Variants in TRPM3 observed in about 807,000 individuals in gnomAD.
TRPM3 encodes long transient receptor potential channel 3.
TRPM3 carries 77 observed loss-of-function variants against 181.2 expected under a neutral mutation model. The observed-to-expected ratio is 0.42, with a 90% confidence interval of 0.35 to 0.51. The LOEUF is 0.51. Ranked by LOEUF, TRPM3 falls within the 20% of genes least tolerant of loss-of-function variation. The pLI is 0.01. For missense variants in TRPM3, 1,759 were observed against 2,196.7 expected, an observed-to-expected ratio of 0.80 and a Z score of 3.98; for synonymous variants, 745 against 796.4, an observed-to-expected ratio of 0.94 and a Z score of 1.09.
chr9:71,279,034 T>TC, intron 1 of TRPM3, among the ~76,000 whole-genome samples: 1 of 47,490 alleles, frequency 2.1e-5, no homozygotes, highest in Non-Finnish European at 4.4e-5. Context: ...CCTGCTTAGG[T>TC]TAAAAAAAAT....
chr9:71,304,369 G>A (rs76835630), intron 1 of TRPM3, among the ~76,000 whole-genome samples: 2,193 of 152,212 alleles, frequency 0.014, 59 homozygotes, highest in African/African-American at 0.049. Flanking sequence ...CTCATCCGAC[G>A]GAAGGCAGTG....
At chr9:71,420,999 A>AAGAGAGAGAAAAAG (rs749574468) in intron 1 of TRPM3, among the ~76,000 whole-genome samples, 27 of 111,118 alleles carry the variant, frequency 2.4e-4, no homozygotes, top group East Asian at 7.6e-4. Context: ...GAGAGAGAAA[A>AAGAGAGAGAAAAAG]AGAGAGAAAA....
intron 1 of TRPM3, among the ~76,000 whole-genome samples, chr9:71,092,453 C>T (rs1283700794): frequency 6.6e-6 from 1 of 152,150 alleles, no homozygotes; most frequent in Middle Eastern, 3.2e-3. Flanking sequence ...ACACTAACTT[C>T]TTCAATTTAC....
At chr9:70,700,167 G>C (rs1408120764) in intron 8 of TRPM3, among the ~76,000 whole-genome samples, 2 of 152,124 alleles carry the variant, frequency 1.3e-5, no homozygotes, top group African/African-American at 4.8e-5. Context: ...ATTTTTAGTA[G>C]AGAAGGGCTT....
chr9:70,693,486 C>A (rs532878077), intron 8 of TRPM3, among the ~76,000 whole-genome samples: 1 of 151,860 alleles, frequency 6.6e-6, no homozygotes, highest in East Asian at 1.9e-4. Flanking sequence ...TTTTTTTTGA[C>A]ATTTTGTCAT....
chr9:71,217,703 C>CAG (rs372110311), intron 1 of TRPM3, among the ~76,000 whole-genome samples: 12 of 152,300 alleles, frequency 7.9e-5, no homozygotes, highest in Non-Finnish European at 8.8e-5. Flanking sequence ...TGCTCTGAGA[C>CAG]AGACCATTCT....
intron 1 of TRPM3, among the ~76,000 whole-genome samples, chr9:71,071,012 G>T (rs1272937929): frequency 6.6e-6 from 1 of 152,156 alleles, no homozygotes; most frequent in East Asian, 1.9e-4. Flanking sequence ...CATCATAGAG[G>T]GCATGGGAGC....
At chr9:70,951,160 T>C (rs2096993928) in intron 1 of TRPM3, among the ~76,000 whole-genome samples, 1 of 152,166 alleles carries the variant, frequency 6.6e-6, no homozygotes. Context: ...ACTTAAAATA[T>C]GAATTCATAT....
At chr9:70,976,738 C>A (rs2097306683) in intron 1 of TRPM3, among the ~76,000 whole-genome samples, 1 of 152,164 alleles carries the variant, frequency 6.6e-6, no homozygotes, top group Non-Finnish European at 1.5e-5. Context: ...ATCCCCTCAT[C>A]TGTTAAAATG....
chr9:71,112,529 AATACCAT>A (rs2071350226), intron 1 of TRPM3, among the ~76,000 whole-genome samples: 1 of 152,176 alleles, frequency 6.6e-6, no homozygotes, highest in East Asian at 1.9e-4. Flanking sequence ...AAGACCCTAT[AATACCAT>A]TTGGTTCCTC....
At chr9:71,181,595 C>T (rs7044340) in intron 1 of TRPM3, among the ~76,000 whole-genome samples, 40,106 of 151,930 alleles carry the variant, frequency 0.26, 5,927 homozygotes, top group Middle Eastern at 0.46. Flanking sequence ...ACAATCACTA[C>T]CTTATTTAAT....
rs1288178183 is a variant in TRPM3, at chr9:70,549,563, C to T, written c.3686G>A (p.Arg1229Lys). Residue 1229 changes from arginine to lysine, a missense_variant, in exon 25 of 26, where the codon AGG becomes AAG. Transcript: ENST00000677713. ...DDRFNSSNDE[R>K]IRVTSERVEN... ...ACACCTTTCTGAAGTCACCCGTATC[C>T]TCTCATCATTAGATGAGTTGAACCG... is the stretch of plus-strand genomic sequence containing the variant. The T allele has an allele frequency of 1.2e-6, 2 of 1,613,600 alleles. No individual in the cohort carries two copies. The highest frequency in any genetic ancestry group is 1.3e-5 in the African/African-American group (1 of 74,976).
chr9:70,578,585 G>A (rs1489593079), intron 22 of TRPM3, among the ~76,000 whole-genome samples: 7 of 152,204 alleles, frequency 4.6e-5, no homozygotes, highest in Non-Finnish European at 8.8e-5. Flanking sequence ...TTGGTCTTTG[G>A]TCTGAAGACA....
intron 1 of TRPM3, among the ~76,000 whole-genome samples, chr9:71,439,225 T>C (rs994405178): frequency 7.2e-5 from 11 of 152,192 alleles, no homozygotes; most frequent in Non-Finnish European, 4.4e-5. Context: ...CATTACATCA[T>C]GGATATGATC....
At chr9:70,664,615 C>T (rs1010818332) in intron 9 of TRPM3, among the ~76,000 whole-genome samples, 1 of 149,172 alleles carries the variant, frequency 6.7e-6, no homozygotes, top group African/African-American at 2.5e-5. Context: ...CCATGAGAGC[C>T]ACAACCACAC....
chr9:70,746,881 G>A (rs2075250884), intron 8 of TRPM3, among the ~76,000 whole-genome samples: 1 of 152,094 alleles, frequency 6.6e-6, no homozygotes, highest in Non-Finnish European at 1.5e-5. Context: ...GGTTACAATT[G>A]CCACATTAGA....
chr9:71,441,204 A>T (rs1188202036), intron 1 of TRPM3, among the ~76,000 whole-genome samples: 1 of 152,114 alleles, frequency 6.6e-6, no homozygotes. Flanking sequence ...CTTCAACAAA[A>T]TGGACCATTA....
chr9:71,036,777 G>A (rs1322389076), intron 1 of TRPM3, among the ~76,000 whole-genome samples: 1 of 152,198 alleles, frequency 6.6e-6, no homozygotes, highest in African/African-American at 2.4e-5. Context: ...CGACAGCATG[G>A]AAAACCGGAC....
At chr9:70,545,548 C>CTTTTTTTT (rs5898150) in intron 25 of TRPM3, among the ~76,000 whole-genome samples, 1,195 of 113,300 alleles carry the variant, frequency 0.011, 60 homozygotes, top group Non-Finnish European at 0.012. Flanking sequence ...AATTTTCTTT[C>CTTTTTTTT]TTTTTTTTTT....
Sources: allele counts gnomAD v4.1 joint callset (sites outside exome capture counted in the v4.1 genomes callset), GRCh38; gene constraint gnomAD v4.1.1; transcripts MANE v1.5; gene names NCBI Gene and HGNC (gene_info 2026-07-23, HGNC 2026-07-21).